The following SLC27A4 variants were observed in gnomAD, a reference collection of about 807,000 sequenced individuals.
SLC27A4 encodes solute carrier family 27 member 4.
Under a neutral mutation model 64.4 loss-of-function variants are expected in SLC27A4, and 33 were observed. That is an observed-to-expected ratio of 0.51 (90% CI 0.39 to 0.68). SLC27A4 has a LOEUF of 0.68. SLC27A4 is among the 30% of genes least tolerant of loss of function. The probability of loss-of-function intolerance (pLI) is 0.00; values close to 1 mark genes in which losing one functional copy is unlikely to be tolerated. For synonymous variants in SLC27A4, 377 were observed against 370.0 expected (o/e 1.02, Z -0.22); for missense variants, 824 against 883.5 (o/e 0.93, Z 0.85).
In SLC27A4 at chr9:128,349,777, G is replaced by A. The variant is rs1004907771; in HGVS notation, c.716-535G>A. The stretch of plus-strand genomic sequence containing the variant: ...AAACTCTAACGTGGCAATCCCTGTC[G>A]AGGGCTGCAGAGTGGGACAGATCAA... On this transcript the variant is annotated intron_variant, in intron 4 of 12. Coordinates refer to ENST00000300456, the MANE Select transcript of SLC27A4 (RefSeq NM_005094.4). Among the ~76,000 whole-genome samples the A allele has an allele frequency of 2.6e-5, 4 of 152,296 alleles. No homozygotes were observed. The South Asian group carries it at 8.3e-4, about 32-fold the overall frequency.
chr9:128,342,493 C>T, intron 1 of SLC27A4: 1 of 1,255,398 alleles, frequency 8.0e-7, no homozygotes, highest in Non-Finnish European at 1.1e-6. Context: ...TATGCTGCCC[C>T]TTTCACATCA....
At chr9:128,350,433 T>G in intron 5 of SLC27A4, 51 bp from the exon 6 acceptor site, 1 of 1,611,542 alleles carries the variant, frequency 6.2e-7, no homozygotes, top group Non-Finnish European at 8.5e-7. Context: ...CTGGGGAGCC[T>G]CCTTCTGCCT....
chr9:128,355,880 C>T (rs761119560), intron 12 of SLC27A4, 84 bp downstream of exon 12: 9 of 1,568,272 alleles, frequency 5.7e-6, no homozygotes, highest in African/African-American at 1.3e-5. Context: ...TGTTACTTGA[C>T]CTCTGCACAC....
rs771384581 is a variant in SLC27A4 at position 128,352,627 on chromosome 9, T to C, written c.878-11T>C. On this transcript the variant is annotated splice_polypyrimidine_tract_variant and intron_variant, in intron 6 of 12. Coordinates refer to ENST00000300456, the MANE Select transcript of SLC27A4 (RefSeq NM_005094.4). ...CTCGCTGACCCTCAGGGGCCATCCCTCTGCCTCCAGGAAACATCGTGGGAA... is the reference window on the plus strand; with the variant it reads ...CTCGCTGACCCTCAGGGGCCATCCCCCTGCCTCCAGGAAACATCGTGGGAA... 18 of 1,610,094 alleles carry C rather than the reference T, an allele frequency of 1.1e-5. No individual in the cohort carries two copies.
intron 7 of SLC27A4, 30 bp downstream of exon 7, chr9:128,352,777 C>A: frequency 6.5e-7 from 1 of 1,528,294 alleles, no homozygotes; most frequent in Non-Finnish European, 9.1e-7. Context: ...GTGAGCTGTC[C>A]CTTTCCCCTA....
chr9:128,350,532 C>G lies in SLC27A4; in HGVS notation c.834C>G (p.Pro278=). Residue 278 remains proline (P), a synonymous_variant, in exon 6 of 13, where the codon CCC becomes CCG. Coordinates refer to ENST00000300456, the MANE Select transcript of SLC27A4 (RefSeq NM_005094.4). ...TGTACTATGGATTCCGCATGCGGCC[C>G]AACGACATCGTCTATGACTGCCTCC... ...ALVYYGFRMR[P]NDIVYDCLPL... is the part of the protein sequence containing the mutation. 1 of 1,613,954 alleles carries G rather than the reference C, an allele frequency of 6.2e-7. No individual in the cohort carries two copies. The highest frequency in any genetic ancestry group is 8.5e-7 in the Non-Finnish European group (1 of 1,179,938).
chr9:128,354,038 C>T (rs1194835825), intron 9 of SLC27A4, among the ~76,000 whole-genome samples: 10 of 152,110 alleles, frequency 6.6e-5, no homozygotes, highest in Middle Eastern at 3.4e-3. Flanking sequence ...CCACCGCGCC[C>T]GGCCAAGCAA....
chr9:128,342,133 G>T (rs1341786681), intron 1 of SLC27A4: 3 of 896,758 alleles, frequency 3.3e-6, no homozygotes, highest in East Asian at 2.4e-5. Flanking sequence ...GGCTAGAAAA[G>T]CCTCTTAGAA....
intron 6 of SLC27A4, among the ~76,000 whole-genome samples, chr9:128,351,809 T>G (rs111631072): frequency 9.6e-4 from 146 of 151,896 alleles, no homozygotes; most frequent in Non-Finnish European, 1.3e-3. Flanking sequence ...TCTCAGCTAC[T>G]GGGAAGGCTG....
At chr9:128,342,793 C>T (rs1012051043) in intron 1 of SLC27A4, 4 of 460,780 alleles carry the variant, frequency 8.7e-6, no homozygotes, top group Non-Finnish European at 1.6e-5. Flanking sequence ...CTCACTACAC[C>T]CATTGCACAG....
Position 128,350,590 on chromosome 9 carries a change from G to C in SLC27A4, c.877+15G>C. 1.3e-6 allele frequency: 2 copies of C among 1,596,870 alleles called. No homozygotes were observed. Among genetic ancestry groups the C allele is most frequent in the South Asian group, 2.2e-5 (2 of 89,852 alleles). Reference sequence around the variant, plus strand: ...CCACTCAGCAGGTAACTCTAGGGCTGTCACACAGCCTCCAGCACCTGCCAG... The same window carrying C: ...CCACTCAGCAGGTAACTCTAGGGCTCTCACACAGCCTCCAGCACCTGCCAG... On this transcript the variant is annotated intron_variant, in intron 6 of 12. Coordinates refer to ENST00000300456, the MANE Select transcript of SLC27A4 (RefSeq NM_005094.4).
At position 128,340,744 on chromosome 9, in the gene SLC27A4, G is replaced by A; in HGVS notation, c.-101G>A. 1.5e-6 allele frequency: 1 copy of A among 648,614 alleles called. No homozygotes were observed. The highest frequency in any genetic ancestry group is 2.8e-6 in the Non-Finnish European group (1 of 351,852). 40.2% of individuals were successfully genotyped at this position (648,614 alleles called of 1,614,324 possible). ...CTAAACCCTGCTGAGACCCGGCTCC[G>A]TGCGTCCAGGGGCGGCTAATGCCCC... On this transcript the variant is annotated 5_prime_UTR_variant, in exon 1 of 13. The change creates a new upstream start codon in the 5' untranslated region. Coordinates refer to ENST00000300456, the MANE Select transcript of SLC27A4 (RefSeq NM_005094.4).
rs371877536 is a variant in SLC27A4 at position 128,352,753 on chromosome 9, C to T, written c.987+6C>T. Reference sequence around the variant, plus strand: ...GTATCAAGTACAACTGCACGGTGAGCGAGAGCGGGAAGGGTGAGCTGTCCC... The same window carrying T: ...GTATCAAGTACAACTGCACGGTGAGTGAGAGCGGGAAGGGTGAGCTGTCCC... On this transcript the variant is annotated splice_donor_region_variant and intron_variant, in intron 7 of 12. Transcript: ENST00000300456. 37 of 1,600,984 alleles carry T rather than the reference C, an allele frequency of 2.3e-5. No homozygotes were observed. In the African/African-American group the frequency reaches 4.3e-4, roughly 19 times the overall value.
intron 2 of SLC27A4, 142 bp downstream of exon 2, chr9:128,343,435 A>T: frequency 1.1e-6 from 1 of 925,966 alleles, no homozygotes; most frequent in African/African-American, 1.6e-5. Context: ...CCTCTGCTCC[A>T]CACCCGTACC....
intron 3 of SLC27A4, among the ~76,000 whole-genome samples, chr9:128,347,740 G>A (rs933894097): frequency 8.6e-5 from 13 of 151,482 alleles, no homozygotes; most frequent in South Asian, 2.1e-4. Context: ...TGCTGAAAGG[G>A]GGCCAGGCAC....
intron 7 of SLC27A4, 77 bp downstream of exon 7, chr9:128,352,824 C>A: frequency 8.1e-7 from 1 of 1,232,940 alleles, no homozygotes; most frequent in Non-Finnish European, 1.2e-6. Flanking sequence ...GGGCATCTGT[C>A]TTATAGCTGA....
Position 128,345,030 on chromosome 9 carries a change from T to G in SLC27A4, c.162-125T>G. Reference sequence around the variant, plus strand: ...CATGTTCCCAGCAGGAGCCAGGAGATAGAAGTGTTGTAGGGGGTCTGGCTC... The same window carrying G: ...CATGTTCCCAGCAGGAGCCAGGAGAGAGAAGTGTTGTAGGGGGTCTGGCTC... On this transcript the variant is annotated intron_variant, in intron 2 of 12. Transcript: ENST00000300456. This position sits in a 1 kb window ranked among gnomAD's most constrained non-coding sequence, Gnocchi z 4.1. 4.5e-6 allele frequency: 5 copies of G among 1,111,838 alleles called. No individual in the cohort carries two copies. In the South Asian group the frequency reaches 6.8e-5, roughly 15 times the overall value. The allele number at this position is 1,111,838 out of a possible 1,614,324, so 68.9% of individuals were successfully genotyped here.
Position 128,345,015 on chromosome 9 carries a change from G to C in SLC27A4, c.162-140G>C, listed in dbSNP as rs1269523819. 1.1e-6 allele frequency: 1 copy of C among 937,546 alleles called. No individual in the cohort carries two copies. The highest frequency in any genetic ancestry group is 1.6e-5 in the African/African-American group (1 of 61,612). The allele number at this position is 937,546 out of a possible 1,614,324, so 58.1% of individuals were successfully genotyped here. A position where few individuals can be genotyped will look rare whatever the true frequency, so the allele number is the denominator to read the frequency against. On this transcript the variant is annotated intron_variant, in intron 2 of 12. Transcript: ENST00000300456. The surrounding 1 kb of genome is among the most constrained non-coding windows in gnomAD (Gnocchi z 4.1). Reference sequence around the variant, plus strand: ...ATCAGTAAGGCAGTGCATGTTCCCAGCAGGAGCCAGGAGATAGAAGTGTTG... The same window carrying C: ...ATCAGTAAGGCAGTGCATGTTCCCACCAGGAGCCAGGAGATAGAAGTGTTG...
At chr9:128,350,827 C>T (rs1235703098) in intron 6 of SLC27A4, among the ~76,000 whole-genome samples, 1 of 152,104 alleles carries the variant, frequency 6.6e-6, no homozygotes, top group African/African-American at 2.4e-5. Context: ...TGTGGTGGCT[C>T]ACACCTGTAA....
Sources: gnomAD v4.1 joint callset for allele counts (sites outside exome capture counted in the v4.1 genomes callset) on GRCh38, gnomAD v4.1.1 for gene constraint, Gnocchi (gnomAD v3.1) non-coding constraint, MANE v1.5 for transcripts, NCBI Gene and HGNC (gene_info 2026-07-23, HGNC 2026-07-21) for gene names.